Variants in NFIB observed in about 807,000 individuals in gnomAD.
NFIB encodes the protein nuclear factor 1 B-type.
In NFIB, 11 loss-of-function variants were observed where a neutral mutation model predicts 61.5. The ratio of observed to expected loss-of-function variants is 0.18; its 90% confidence interval spans 0.11 to 0.30. The LOEUF (loss-of-function observed/expected upper bound fraction) is 0.30. Ranked by LOEUF, NFIB falls within the 10% of genes least tolerant of loss-of-function variation. The pLI is 1.00. For missense variants in NFIB, 471 were observed against 608.9 expected (o/e 0.77, Z 2.38); for synonymous variants, 260 against 216.5 (o/e 1.20, Z -1.76).
rs534683747 is a variant in NFIB, at chr9:14,245,730, G to A, written c.562+61259C>T. Reference sequence around the variant, plus strand: ...TCTACCAAAAATAGAAAAATCAGCAGGGCGTTGTAATGCACATCTGTAATC... The same window carrying A: ...TCTACCAAAAATAGAAAAATCAGCAAGGCGTTGTAATGCACATCTGTAATC... On this transcript the variant is annotated intron_variant, in intron 2 of 10. Transcript: ENST00000380953. 1.1e-4 allele frequency among the ~76,000 whole-genome samples: 17 copies of A among 152,112 alleles called. No homozygotes were observed. In the South Asian group the frequency reaches 3.3e-3, roughly 30 times the overall value.
At chr9:14,132,934 A>G (rs2040570467) in intron 6 of NFIB, among the ~76,000 whole-genome samples, 1 of 152,034 alleles carries the variant, frequency 6.6e-6, no homozygotes. Context: ...AGAAAACTCA[A>G]AGTGTAATGA....
intron 2 of NFIB, among the ~76,000 whole-genome samples, chr9:14,289,122 GTATA>G (rs60051220): frequency 8.6e-5 from 12 of 139,910 alleles, no homozygotes; most frequent in African/African-American, 2.6e-4. Flanking sequence ...GTGTGTATAT[GTATA>G]TATATATATA....
chr9:14,262,562 G>C (rs1476494119), intron 2 of NFIB, among the ~76,000 whole-genome samples: 1 of 152,200 alleles, frequency 6.6e-6, no homozygotes, highest in Non-Finnish European at 1.5e-5. Flanking sequence ...ATTGTGGTGG[G>C]CTGAAGGCTA....
the NFIB span, among the ~76,000 whole-genome samples, chr9:14,522,607 C>T: frequency 1.3e-5 from 2 of 152,064 alleles, no homozygotes; most frequent in Non-Finnish European, 2.9e-5. Context: ...TTAGGACTAT[C>T]GATAATAGCA....
At chr9:14,424,632 T>A in the NFIB span, among the ~76,000 whole-genome samples, 1 of 152,094 alleles carries the variant, frequency 6.6e-6, no homozygotes, top group African/African-American at 2.4e-5. Flanking sequence ...AGAGTTTAAT[T>A]TTCTTCCCCA....
At chr9:14,477,940 G>A in the NFIB span, among the ~76,000 whole-genome samples, 4 of 152,118 alleles carry the variant, frequency 2.6e-5, no homozygotes, top group Non-Finnish European at 5.9e-5. Flanking sequence ...ATAAGATCTA[G>A]ATGAACAGCT....
intron 3 of NFIB, among the ~76,000 whole-genome samples, chr9:14,158,128 A>G (rs941265528): frequency 6.6e-6 from 1 of 150,452 alleles, no homozygotes; most frequent in Non-Finnish European, 1.5e-5. Flanking sequence ...AAAAAAAAAC[A>G]AAACAAAACA....
chr9:14,435,304 C>A, the NFIB span, among the ~76,000 whole-genome samples: 4 of 152,192 alleles, frequency 2.6e-5, no homozygotes, highest in African/African-American at 9.7e-5. Context: ...GTACCACCTT[C>A]ATAATTTTTG....
chr9:14,298,940 G>C (rs188268782), intron 2 of NFIB, among the ~76,000 whole-genome samples: 1 of 152,144 alleles, frequency 6.6e-6, no homozygotes, highest in Admixed American at 6.5e-5. Flanking sequence ...AGCTGAGACC[G>C]ACCTCATAAA....
chr9:14,499,383 C>T, the NFIB span, among the ~76,000 whole-genome samples: 1 of 152,090 alleles, frequency 6.6e-6, no homozygotes, highest in Non-Finnish European at 1.5e-5. Context: ...AGCTGTGCCC[C>T]CTCCCTTCCT....
intron 10 of NFIB, among the ~76,000 whole-genome samples, chr9:14,100,237 TACTATGACCTGAAACTGATTA>T (rs1186614320): frequency 3.3e-5 from 5 of 152,148 alleles, no homozygotes; most frequent in Non-Finnish European, 1.5e-5. Flanking sequence ...TTTTCTGACT[TACTATGACCTGAAACTGATTA>T]CCACATCAAT....
chr9:14,456,478 T>C, the NFIB span, among the ~76,000 whole-genome samples: 1 of 152,156 alleles, frequency 6.6e-6, no homozygotes, highest in African/African-American at 2.4e-5. Context: ...AAAGAACTTC[T>C]ACAAATCAAT....
intron 1 of NFIB, among the ~76,000 whole-genome samples, chr9:14,343,413 C>T (rs2060976520): frequency 1.3e-5 from 2 of 152,062 alleles, no homozygotes; most frequent in Non-Finnish European, 2.9e-5. Flanking sequence ...ACCCTTGCAG[C>T]CCAGTAGAGA....
At chr9:14,380,753 A>C (rs2061478522) in intron 1 of NFIB, among the ~76,000 whole-genome samples, 2 of 152,076 alleles carry the variant, frequency 1.3e-5, no homozygotes, top group Non-Finnish European at 2.9e-5. Context: ...TCATCCACAC[A>C]ATCACTCTGC....
intron 2 of NFIB, among the ~76,000 whole-genome samples, chr9:14,221,081 G>C (rs896445965): frequency 6.6e-6 from 1 of 152,012 alleles, no homozygotes; most frequent in African/African-American, 2.4e-5. Flanking sequence ...GACATACCAG[G>C]AGTCTCTGCC....
intron 2 of NFIB, among the ~76,000 whole-genome samples, chr9:14,208,151 T>C (rs1467368612): frequency 6.6e-6 from 1 of 152,224 alleles, no homozygotes; most frequent in Non-Finnish European, 1.5e-5. Context: ...ATATTTGTAA[T>C]CTGATTTTAA....
chr9:14,372,034 CACCA>C (rs2061363757), intron 1 of NFIB, among the ~76,000 whole-genome samples: 1 of 151,960 alleles, frequency 6.6e-6, no homozygotes, highest in African/African-American at 2.4e-5. Context: ...GAGCTTAGAG[CACCA>C]TCTCTACATG....
intron 1 of NFIB, among the ~76,000 whole-genome samples, chr9:14,331,035 C>T (rs1000193259): frequency 1.3e-5 from 2 of 152,112 alleles, no homozygotes; most frequent in African/African-American, 4.8e-5. Context: ...TCTTCTGTGA[C>T]CAATTTAGGC....
intron 10 of NFIB, among the ~76,000 whole-genome samples, chr9:14,089,289 T>C (rs1197044676): frequency 6.6e-6 from 1 of 151,368 alleles, no homozygotes; most frequent in South Asian, 2.1e-4. Flanking sequence ...TTGGGGGTGT[T>C]GGAGGCAGTA....
Sources: allele counts gnomAD v4.1 joint callset (sites outside exome capture counted in the v4.1 genomes callset), GRCh38; gene constraint gnomAD v4.1.1; transcripts MANE v1.5; gene names NCBI Gene and HGNC (gene_info 2026-07-23, HGNC 2026-07-21).